The following ATP10A variants were observed in gnomAD, a reference collection of about 807,000 sequenced individuals.
ATP10A encodes the protein phospholipid-transporting ATPase VA.
In ATP10A, 111 loss-of-function variants were observed where a neutral mutation model predicts 147.8. The ratio of observed to expected loss-of-function variants is 0.75; its 90% CI spans 0.64 to 0.88. ATP10A has a LOEUF of 0.88. Among genes scored for constraint, ATP10A ranks in the 40% least tolerant of loss-of-function variants. The pLI is 0.00. For missense variants in ATP10A, 1,927 were observed against 1,959.0 expected, an observed-to-expected ratio of 0.98 and a Z score of 0.31; for synonymous variants, 875 against 841.6, an observed-to-expected ratio of 1.04 and a Z score of -0.69.
intron 2 of ATP10A, among the ~76,000 whole-genome samples, chr15:25,757,546 A>G (rs1362809534): frequency 6.6e-6 from 1 of 152,182 alleles, no homozygotes; most frequent in African/African-American, 2.4e-5. Context: ...TCTTCAAAAT[A>G]TAGATTTAAG....
chr15:25,762,049 G>A (rs1888786125), intron 2 of ATP10A, among the ~76,000 whole-genome samples: 1 of 152,084 alleles, frequency 6.6e-6, no homozygotes, highest in African/African-American at 2.4e-5. Context: ...GGAGGTAAAT[G>A]ACTCAGGGGT....
intron 10 of ATP10A, chr15:25,709,986 G>A (rs1250018437): frequency 6.6e-6 from 1 of 152,310 alleles, no homozygotes; most frequent in African/African-American, 2.4e-5. Context: ...AACCTCCGAA[G>A]GAGAATGTAC....
intron 2 of ATP10A, among the ~76,000 whole-genome samples, chr15:25,764,800 C>T (rs1164216230): frequency 2.0e-5 from 3 of 152,218 alleles, no homozygotes; most frequent in African/African-American, 7.2e-5. Context: ...GCCTATGATG[C>T]TAGAAACCGC....
At chr15:25,732,804 C>G (rs1887022330) in intron 3 of ATP10A, among the ~76,000 whole-genome samples, 1 of 151,882 alleles carries the variant, frequency 6.6e-6, no homozygotes, top group African/African-American at 2.4e-5. Flanking sequence ...ATCTGCCCGC[C>G]CCGGCCTCCC....
chr15:25,775,035 G>A (rs1021790885), intron 2 of ATP10A, among the ~76,000 whole-genome samples: 2 of 152,088 alleles, frequency 1.3e-5, no homozygotes, highest in African/African-American at 4.8e-5. Flanking sequence ...AAAACTGACC[G>A]ATCTAATTAC....
chr15:25,833,531 C>G lies in ATP10A; in HGVS notation c.449+29117G>C, dbSNP rs79141176. Among the ~76,000 whole-genome samples the G allele has an allele frequency of 2.6e-5, 4 of 152,202 alleles. No individual in the cohort carries two copies. The East Asian group carries it at 7.7e-4, about 29-fold the overall frequency. On this transcript the variant is annotated intron_variant, in intron 1 of 20. Coordinates refer to ENST00000555815, the MANE Select transcript of ATP10A (RefSeq NM_024490.4). ...TACCCCTACCACACTTCTCTTCACT[C>G]TGGAGTGAAAAATTATTACAAAATG...
chr15:25,852,899 T>C (rs889328729), intron 1 of ATP10A, among the ~76,000 whole-genome samples: 1 of 152,248 alleles, frequency 6.6e-6, no homozygotes, highest in Admixed American at 6.5e-5. Flanking sequence ...TTCTGTGCTA[T>C]GCATGTTAAT....
At chr15:25,864,019 T>C (rs1008153913), upstream of ATP10A, among the ~76,000 whole-genome samples, 1 of 152,134 alleles carries the variant, frequency 6.6e-6, no homozygotes, top group Non-Finnish European at 1.5e-5. Context: ...GGTATTTGAG[T>C]GTCTGTTTCC....
chr15:25,713,597 G>A (rs564307524), intron 10 of ATP10A, 77 bp downstream of exon 10: 1 of 1,370,780 alleles, frequency 7.3e-7, no homozygotes, highest in Non-Finnish European at 1.0e-6. Flanking sequence ...CTTTACTCAA[G>A]AGAAGGAATT....
intron 8 of ATP10A, among the ~76,000 whole-genome samples, chr15:25,717,872 C>T (rs72703706): frequency 0.048 from 7,246 of 152,242 alleles, 254 homozygotes; most frequent in Non-Finnish European, 0.073. Context: ...TGCTTTTTAG[C>T]GGTTGTCATC....
At chr15:25,711,091 T>C (rs184778711) in intron 10 of ATP10A, among the ~76,000 whole-genome samples, 2 of 151,854 alleles carry the variant, frequency 1.3e-5, no homozygotes, top group Non-Finnish European at 2.9e-5. Context: ...CAGAGATCTG[T>C]GAGAATGGGT....
At position 25,781,006 on chromosome 15, in the gene ATP10A, G is replaced by A. The variant is rs567151433; in HGVS notation, c.654+13C>T. On this transcript the variant is annotated intron_variant, in intron 2 of 20. Coordinates refer to ENST00000555815, the MANE Select transcript of ATP10A (RefSeq NM_024490.4). ...GTAATGCCTGCAAGGCCCTGGAAAC[G>A]TGGGTCACTTACAAGCTCCGAGAAG... The A allele has an allele frequency of 3.0e-5, 48 of 1,612,848 alleles. No individual in the cohort carries two copies. Among genetic ancestry groups the A allele is most frequent in the Non-Finnish European group, 3.1e-5 (37 of 1,179,684 alleles).
intron 3 of ATP10A, among the ~76,000 whole-genome samples, chr15:25,727,604 G>C (rs753450374): frequency 6.6e-6 from 1 of 152,168 alleles, no homozygotes; most frequent in Admixed American, 6.5e-5. Context: ...GCCTTGCTAC[G>C]TGGTCTCTGT....
At chr15:25,687,631 C>T in intron 16 of ATP10A, 72 bp downstream of exon 16, 1 of 912,406 alleles carries the variant, frequency 1.1e-6, no homozygotes, top group African/African-American at 1.8e-5. Context: ...TCCTCCTTCG[C>T]CTCATTCAGG....
At chr15:25,678,338 A>G (rs992966603), downstream of ATP10A, 4 of 152,114 alleles carry the variant, frequency 2.6e-5, no homozygotes, top group Admixed American at 6.6e-5. Context: ...CACCCTTCAC[A>G]GTCCCGGTGC....
chr15:25,813,325 G>T (rs552376432), intron 1 of ATP10A, among the ~76,000 whole-genome samples: 2 of 152,160 alleles, frequency 1.3e-5, no homozygotes, highest in Non-Finnish European at 2.9e-5. Context: ...AAAATGCCTG[G>T]ATTAAAGGCT....
chr15:25,682,739 A>G (rs1899492390), intron 17 of ATP10A, among the ~76,000 whole-genome samples: 1 of 152,222 alleles, frequency 6.6e-6, no homozygotes, highest in South Asian at 2.1e-4. Flanking sequence ...ATCTGGAATT[A>G]GGGATTATTG....
At chr15:25,773,474 A>C (rs1318365204) in intron 2 of ATP10A, among the ~76,000 whole-genome samples, 1 of 152,094 alleles carries the variant, frequency 6.6e-6, no homozygotes, top group South Asian at 2.1e-4. Context: ...CAAGGGACAA[A>C]GGTTCCAGAG....
chr15:25,849,818 C>T (rs769993309), intron 1 of ATP10A, among the ~76,000 whole-genome samples: 9 of 151,776 alleles, frequency 5.9e-5, no homozygotes, highest in Admixed American at 1.3e-4. Context: ...AACTTTCCAT[C>T]CTGCTTAAAA....
Sources: allele counts gnomAD v4.1 joint callset (sites outside exome capture counted in the v4.1 genomes callset), GRCh38; gene constraint gnomAD v4.1.1; transcripts MANE v1.5; gene names NCBI Gene and HGNC (gene_info 2026-07-23, HGNC 2026-07-21).